The following ADGRL4 variants were observed in gnomAD, a reference collection of about 807,000 sequenced individuals.
ADGRL4 encodes the protein adhesion G protein-coupled receptor L4, also known as EGF, latrophilin and seven transmembrane domain containing 1.
ADGRL4 carries 90 observed loss-of-function variants against 74.8 expected under a neutral mutation model. That is an observed-to-expected ratio of 1.20 (90% CI 1.02 to 1.43). The LOEUF is 1.43. Ranked by LOEUF, ADGRL4 falls within the 40% of genes most tolerant of loss-of-function variation. ADGRL4 has a pLI of 0.00. For synonymous variants in ADGRL4, 311 were observed against 279.2 expected, an observed-to-expected ratio of 1.11 and a Z score of -1.14; for missense variants, 881 against 814.3, an observed-to-expected ratio of 1.08 and a Z score of -1.00.
chr1:78,895,608 G>GA (rs1176204261), intron 12 of ADGRL4, among the ~76,000 whole-genome samples: 1 of 151,862 alleles, frequency 6.6e-6, no homozygotes, highest in Non-Finnish European at 1.5e-5. Context: ...ATAATGAAGG[G>GA]AAAAAAAGTA....
chr1:78,911,196 A>C (rs1648755482), intron 12 of ADGRL4, among the ~76,000 whole-genome samples: 1 of 151,786 alleles, frequency 6.6e-6, no homozygotes, highest in Non-Finnish European at 1.5e-5. Context: ...AGAAGTCCTT[A>C]CTCTATGGAT....
intron 2 of ADGRL4, among the ~76,000 whole-genome samples, chr1:78,967,509 T>C (rs1343410083): frequency 2.0e-5 from 3 of 152,192 alleles, no homozygotes. Context: ...AGTAAAAATG[T>C]GTTTTTAGTA....
intron 2 of ADGRL4, among the ~76,000 whole-genome samples, chr1:78,999,527 C>T (rs1417928136): frequency 6.6e-6 from 1 of 151,984 alleles, no homozygotes; most frequent in Non-Finnish European, 1.5e-5. Flanking sequence ...AAGCTGAGAT[C>T]GCACCACTGC....
At chr1:78,973,871 G>T (rs947749571) in intron 2 of ADGRL4, among the ~76,000 whole-genome samples, 1 of 151,856 alleles carries the variant, frequency 6.6e-6, no homozygotes, top group Non-Finnish European at 1.5e-5. Context: ...ATATTTTACT[G>T]TTCTAATAAA....
At chr1:78,960,959 C>T (rs914458682) in intron 2 of ADGRL4, among the ~76,000 whole-genome samples, 1 of 152,090 alleles carries the variant, frequency 6.6e-6, no homozygotes, top group Non-Finnish European at 1.5e-5. Flanking sequence ...AAAGACAAAT[C>T]TATAGTAAGA....
intron 3 of ADGRL4, among the ~76,000 whole-genome samples, chr1:78,945,372 C>T (rs1423440005): frequency 6.6e-6 from 1 of 151,568 alleles, no homozygotes; most frequent in Admixed American, 6.6e-5. Context: ...TTCTCAGGGC[C>T]TCAGCATACC....
intron 2 of ADGRL4, among the ~76,000 whole-genome samples, chr1:78,954,496 T>C (rs1346181810): frequency 1.3e-5 from 2 of 152,162 alleles, no homozygotes; most frequent in Non-Finnish European, 2.9e-5. Flanking sequence ...GTATATCAAC[T>C]GTTACACTAA....
At chr1:78,912,639 A>T (rs1403843964) in intron 12 of ADGRL4, among the ~76,000 whole-genome samples, 1 of 151,900 alleles carries the variant, frequency 6.6e-6, no homozygotes, top group Admixed American at 6.6e-5. Flanking sequence ...TAAAAACAAT[A>T]GCTGACTGCA....
intron 2 of ADGRL4, among the ~76,000 whole-genome samples, chr1:78,984,984 T>A (rs1650465158): frequency 6.6e-6 from 1 of 151,740 alleles, no homozygotes; most frequent in Non-Finnish European, 1.5e-5. Context: ...CTAAATGAGT[T>A]GTTAAAAATT....
intron 2 of ADGRL4, among the ~76,000 whole-genome samples, chr1:78,960,620 T>A (rs893647491): frequency 6.6e-6 from 1 of 152,182 alleles, no homozygotes; most frequent in African/African-American, 2.4e-5. Flanking sequence ...TTTTTTAAAG[T>A]AACCTTGCAA....
chr1:78,897,903 A>G (rs1265294686), intron 12 of ADGRL4, among the ~76,000 whole-genome samples: 1 of 152,108 alleles, frequency 6.6e-6, no homozygotes, highest in Non-Finnish European at 1.5e-5. Context: ...CTTTTTATCC[A>G]TAAATATATA....
intron 12 of ADGRL4, among the ~76,000 whole-genome samples, chr1:78,914,192 T>C (rs1403666361): frequency 1.3e-5 from 2 of 151,848 alleles, no homozygotes; most frequent in East Asian, 1.9e-4. Flanking sequence ...TCTTGTCACA[T>C]CCACAAACAA....
chr1:78,901,101 C>A (rs114104582), intron 12 of ADGRL4, among the ~76,000 whole-genome samples: 26 of 152,090 alleles, frequency 1.7e-4, no homozygotes, highest in African/African-American at 6.3e-4. Flanking sequence ...ATATAGGATA[C>A]CAGTATCTTG....
chr1:78,892,475 C>T (rs368194766), intron 13 of ADGRL4, among the ~76,000 whole-genome samples: 5 of 152,004 alleles, frequency 3.3e-5, no homozygotes, highest in African/African-American at 1.2e-4. Context: ...AGCAGTGTAC[C>T]TCAGAAAATG....
intron 2 of ADGRL4, among the ~76,000 whole-genome samples, chr1:78,953,564 C>A (rs1215240749): frequency 1.3e-5 from 2 of 152,128 alleles, no homozygotes; most frequent in Non-Finnish European, 2.9e-5. Flanking sequence ...CTAGAGAAAC[C>A]GTTCTCTGAA....
At chr1:78,995,929 G>A (rs1047238371) in intron 2 of ADGRL4, among the ~76,000 whole-genome samples, 5 of 152,078 alleles carry the variant, frequency 3.3e-5, no homozygotes, top group African/African-American at 1.2e-4. Context: ...AGGATACCAG[G>A]GGGATTTCAA....
At chr1:78,956,243 G>A (rs911049943) in intron 2 of ADGRL4, among the ~76,000 whole-genome samples, 4 of 152,016 alleles carry the variant, frequency 2.6e-5, no homozygotes, top group South Asian at 2.1e-4. Flanking sequence ...TTGGTATAGC[G>A]CTGTAAACTT....
At chr1:78,972,971 C>T (rs188043525) in intron 2 of ADGRL4, among the ~76,000 whole-genome samples, 59 of 152,236 alleles carry the variant, frequency 3.9e-4, no homozygotes, top group Admixed American at 7.8e-4. Flanking sequence ...GGACTGATTT[C>T]GGTTGCAAAG....
At chr1:78,915,382 T>G (rs1185221594) in intron 12 of ADGRL4, among the ~76,000 whole-genome samples, 1 of 151,924 alleles carries the variant, frequency 6.6e-6, no homozygotes, top group Non-Finnish European at 1.5e-5. Context: ...CTACAGTCAT[T>G]CTAGCAATGT....
Sources: gnomAD v4.1 joint callset for allele counts (sites outside exome capture counted in the v4.1 genomes callset) on GRCh38, gnomAD v4.1.1 for gene constraint, MANE v1.5 for transcripts, NCBI Gene and HGNC (gene_info 2026-07-23, HGNC 2026-07-21) for gene names.